TMLHE: variants seen among roughly 807,000 people sequenced by gnomAD.
TMLHE encodes the protein trimethyllysine hydroxylase, epsilon, also known as trimethyllysine dioxygenase, mitochondrial.
Under a neutral mutation model 25.7 loss-of-function variants are expected in TMLHE, and 18 were observed. The observed-to-expected ratio is 0.70, with a 90% CI of 0.48 to 1.04. The LOEUF is 1.04. TMLHE is among the 50% of genes least tolerant of loss of function. TMLHE has a pLI of 0.00. For missense variants in TMLHE, 236 were observed against 259.0 expected, an observed-to-expected ratio of 0.91 and a Z score of 0.61; for synonymous variants, 105 against 97.0, an observed-to-expected ratio of 1.08 and a Z score of -0.49.
chrX:155,609,878 C>T (rs1467830254), intron 1 of TMLHE, among the ~76,000 whole-genome samples: 6 of 111,737 alleles, frequency 5.4e-5, no homozygotes, highest in South Asian at 3.7e-4. Context: ...CAAAACAAAA[C>T]GGGGAAATAA....
At chrX:155,588,617 G>A (rs1259356495) in intron 1 of TMLHE, among the ~76,000 whole-genome samples, 1 of 109,769 alleles carries the variant, frequency 9.1e-6, no homozygotes, top group East Asian at 2.9e-4. Flanking sequence ...GAATCTAGAA[G>A]GAACTCAAAG....
At chrX:155,560,916 G>C (rs1557341752) in intron 1 of TMLHE, among the ~76,000 whole-genome samples, 1 of 61,512 alleles carries the variant, frequency 1.6e-5, no homozygotes, top group Non-Finnish European at 4.5e-5. Context: ...GTTGTATTGA[G>C]AATAAACTGT....
At chrX:155,603,544 T>C (rs1557347560) in intron 1 of TMLHE, among the ~76,000 whole-genome samples, 1 of 111,623 alleles carries the variant, frequency 9.0e-6, no homozygotes. Flanking sequence ...GCCACAATAG[T>C]CAAGACAGTA....
At chrX:155,547,365 C>G (rs932071706) in intron 1 of TMLHE, among the ~76,000 whole-genome samples, 6 of 109,811 alleles carry the variant, frequency 5.5e-5, no homozygotes, top group Admixed American at 9.7e-5. Flanking sequence ...AGGATGGTCT[C>G]GATCTCCTGA....
At chrX:155,514,348 T>C in intron 3 of TMLHE, 83 bp from the exon 4 acceptor site, 1 of 997,385 alleles carries the variant, frequency 1.0e-6, no homozygotes, top group South Asian at 2.4e-5. Flanking sequence ...GTTAAGAATC[T>C]TTTTCCTAGC....
chrX:155,576,861 A>G (rs1438713539), intron 1 of TMLHE, among the ~76,000 whole-genome samples: 1 of 112,190 alleles, frequency 8.9e-6, no homozygotes, highest in African/African-American at 3.2e-5. Context: ...TCAACTCAAG[A>G]TGGTTTCAAG....
intron 1 of TMLHE, among the ~76,000 whole-genome samples, chrX:155,548,486 AGCACTTTGGGAGGTCAAG>A (rs1557339277): frequency 9.2e-6 from 1 of 109,053 alleles, no homozygotes; most frequent in Non-Finnish European, 1.9e-5. Flanking sequence ...CTGAAATCCC[AGCACTTTGGGAGGTCAAG>A]GCGGGCGGAT....
chrX:155,551,727 TTTAA>T (rs1277848741), intron 1 of TMLHE, among the ~76,000 whole-genome samples: 1 of 110,230 alleles, frequency 9.1e-6, no homozygotes, highest in East Asian at 2.8e-4. Flanking sequence ...CAATAACAGT[TTTAA>T]TGTCCTGGTC....
Position 155,548,528 on chromosome X carries a change from GT to G in TMLHE, c.-1-3252del, listed in dbSNP as rs1569562087. Among the ~76,000 whole-genome samples the G allele has an allele frequency of 5.5e-4, 60 of 108,574 alleles. 2 individuals are homozygous for G. The highest frequency in any genetic ancestry group is 7.4e-4 in the African/African-American group (21 of 28,343). 94.3% of individuals were successfully genotyped at this position (108,574 alleles called of 115,157 possible). On this transcript the variant is annotated intron_variant, in intron 1 of 7. Coordinates refer to ENST00000334398, the MANE Select transcript of TMLHE (RefSeq NM_018196.4). ...AGGCGGGCGGATCACAAGGTCAGCA[GT>G]ATGAGGCCAGCCTGACTAACATGGT...
chrX:155,566,941 G>A (rs1434739784), intron 1 of TMLHE, among the ~76,000 whole-genome samples: 1 of 62,051 alleles, frequency 1.6e-5, no homozygotes, highest in African/African-American at 3.6e-5. Context: ...AACCAAACGT[G>A]CTGGTGTTAT....
At chrX:155,608,493 C>T in intron 1 of TMLHE, among the ~76,000 whole-genome samples, 1 of 111,482 alleles carries the variant, frequency 9.0e-6, no homozygotes, top group Non-Finnish European at 1.9e-5. Context: ...AGACATGGGC[C>T]CTGTCAAATA....
At chrX:155,534,745 C>T (rs782042910) in intron 2 of TMLHE, among the ~76,000 whole-genome samples, 280 of 111,248 alleles carry the variant, frequency 2.5e-3, no homozygotes, top group African/African-American at 7.9e-3. Flanking sequence ...TGAGTTAAGA[C>T]GGGGTTGTTG....
chrX:155,521,917 T>A, intron 3 of TMLHE, among the ~76,000 whole-genome samples: 1 of 95,285 alleles, frequency 1.0e-5, no homozygotes, highest in East Asian at 3.4e-4. Flanking sequence ...CTGCGCCCAC[T>A]GTCTGGCACT....
At chrX:155,602,145 A>AT (rs782375272) in intron 1 of TMLHE, among the ~76,000 whole-genome samples, 11 of 111,663 alleles carry the variant, frequency 9.9e-5, no homozygotes, top group Non-Finnish European at 2.1e-4. Context: ...CCTTAACAAG[A>AT]TGTTAGCAAA....
intron 1 of TMLHE, among the ~76,000 whole-genome samples, chrX:155,600,469 C>T: frequency 9.0e-6 from 1 of 111,564 alleles, no homozygotes; most frequent in Non-Finnish European, 1.9e-5. Flanking sequence ...ATATTTGTTA[C>T]AAAAAGGGAA....
intron 4 of TMLHE, among the ~76,000 whole-genome samples, chrX:155,513,328 T>C (rs1446559468): frequency 9.0e-6 from 1 of 111,704 alleles, no homozygotes; most frequent in African/African-American, 3.3e-5. Flanking sequence ...CTGGGCTATT[T>C]GAATTCAAGT....
intron 1 of TMLHE, among the ~76,000 whole-genome samples, chrX:155,561,932 G>T (rs192589980): frequency 0.014 from 870 of 62,705 alleles, 104 homozygotes; most frequent in African/African-American, 0.029. Flanking sequence ...GCATTCACGA[G>T]CTGGCATTGA....
chrX:155,594,917 T>G (rs2067712818), intron 1 of TMLHE, among the ~76,000 whole-genome samples: 1 of 111,517 alleles, frequency 9.0e-6, no homozygotes, highest in Admixed American at 9.5e-5. Context: ...CACAGAATTT[T>G]TTCAACATAT....
chrX:155,533,084 A>G (rs1290631623), intron 2 of TMLHE, among the ~76,000 whole-genome samples: 1 of 111,640 alleles, frequency 9.0e-6, no homozygotes, highest in Non-Finnish European at 1.9e-5. Context: ...AGTAGAGTAC[A>G]TTGCCTTCTG....
Sources: allele counts gnomAD v4.1 joint callset (sites outside exome capture counted in the v4.1 genomes callset), GRCh38; gene constraint gnomAD v4.1.1; transcripts MANE v1.5; gene names NCBI Gene and HGNC (gene_info 2026-07-23, HGNC 2026-07-21).